Variants in AQR observed in about 807,000 individuals in gnomAD.
AQR encodes RNA helicase aquarius.
AQR carries 61 observed loss-of-function variants against 180.5 expected under a neutral mutation model. That is an observed-to-expected ratio of 0.34 (90% CI 0.28 to 0.42). The LOEUF is 0.42. Among genes scored for constraint, AQR ranks in the 10% least tolerant of loss-of-function variants. The probability of loss-of-function intolerance (pLI) is 1.00; values close to 1 mark genes in which losing one functional copy is unlikely to be tolerated. For missense variants in AQR, 1,281 were observed against 1,798.3 expected (o/e 0.71, Z 5.20); for synonymous variants, 551 against 588.8 (o/e 0.94, Z 0.93).
chr15:34,953,851 A>G (rs537759883), intron 3 of AQR, among the ~76,000 whole-genome samples: 24 of 152,378 alleles, frequency 1.6e-4, no homozygotes, highest in Non-Finnish European at 2.8e-4. Flanking sequence ...CTCATAAGAT[A>G]GAATACCAGT....
At chr15:34,951,667 CAAA>C (rs35929298) in intron 4 of AQR, among the ~76,000 whole-genome samples, 3 of 74,862 alleles carry the variant, frequency 4.0e-5, no homozygotes, top group African/African-American at 4.4e-5. Context: ...GAGACTGTCT[CAAA>C]AAAAAAAAAA....
chr15:34,967,118 C>T (rs542150404), intron 1 of AQR, among the ~76,000 whole-genome samples: 2 of 151,688 alleles, frequency 1.3e-5, no homozygotes, highest in East Asian at 3.9e-4. Flanking sequence ...TCAGGTGATC[C>T]GTCCACCTCA....
rs1210185751 is a variant in AQR, at chr15:34,909,998, C to T, written c.1663+137G>A. On this transcript the variant is annotated intron_variant, in intron 17 of 34. Transcript: ENST00000156471. ...AATAATTAGAAAAAAAGTTGCTATT[C>T]TTTAAATCAAATTTCAAGGATAACG... 2.9e-6 allele frequency: 3 copies of T among 1,031,684 alleles called. No homozygotes were observed. The East Asian group carries it at 7.7e-5, about 27-fold the overall frequency. The allele number at this position is 1,031,684 out of a possible 1,614,324, so 63.9% of individuals were successfully genotyped here.
chr15:34,862,866 C>T lies in AQR; in HGVS notation c.4029+1G>A. On this transcript the variant is annotated splice_donor_variant, in intron 33 of 34. Transcript: ENST00000156471. LOFTEE classifies it high-confidence loss of function. ...TTATAAAATGAAGAAAGAAGTCCTA[C>T]CTTTCTAGTAGTTGGGAAAGGTTCT... 2 of 1,613,196 alleles carry T rather than the reference C, an allele frequency of 1.2e-6. No individual in the cohort carries two copies. The highest frequency in any genetic ancestry group is 1.7e-6 in the Non-Finnish European group (2 of 1,179,490).
At position 34,883,361 on chromosome 15, in the gene AQR, A is replaced by G. The variant is rs199581136; in HGVS notation, c.3028-722T>C. Among the ~76,000 whole-genome samples the G allele has an allele frequency of 1.1e-4, 17 of 152,268 alleles. No individual in the cohort carries two copies. In the East Asian group the frequency reaches 3.1e-3, roughly 28 times the overall value. ...AAAAGAGTATGGAAAAACAAAAAAC[A>G]TTTGTTTTTTAAATAATTAAAATAT... On this transcript the variant is annotated intron_variant, in intron 26 of 34. Coordinates refer to ENST00000156471, the MANE Select transcript of AQR (RefSeq NM_014691.3).
At chr15:34,901,596 T>A (rs1893332625) in intron 19 of AQR, among the ~76,000 whole-genome samples, 1 of 152,180 alleles carries the variant, frequency 6.6e-6, no homozygotes, top group Non-Finnish European at 1.5e-5. Flanking sequence ...GGCTATTAAT[T>A]TCAAAGAATA....
At chr15:34,953,014 A>C (rs1894256103) in intron 3 of AQR, 94 bp from the exon 4 acceptor site, 1 of 686,758 alleles carries the variant, frequency 1.5e-6, no homozygotes, top group Non-Finnish European at 2.4e-6. Context: ...TTTTGTTTCC[A>C]TATTAACCCA....
At chr15:34,923,952 A>G (rs79810809) in intron 13 of AQR, among the ~76,000 whole-genome samples, 14,788 of 152,240 alleles carry the variant, frequency 0.097, 794 homozygotes, top group Middle Eastern at 0.16. Flanking sequence ...TCTATAAAAT[A>G]TCCTGCTAGA....
Position 34,915,079 on chromosome 15 carries a change from A to T in AQR, c.1443T>A (p.Ile481=). Residue 481 remains isoleucine, a synonymous_variant, in exon 16 of 35, where the codon ATT becomes ATA. Transcript: ENST00000156471. The part of the protein sequence containing the change: ...NLFRLESTYE[I]RQDIEDSVSR... Reference sequence around the variant, plus strand: ...TGACACTATCTTCAATGTCCTGACGAATTTCATAAGTTGATTCTAAGCGGA... The same window carrying T: ...TGACACTATCTTCAATGTCCTGACGTATTTCATAAGTTGATTCTAAGCGGA... 3 of 1,612,900 alleles carry T rather than the reference A, an allele frequency of 1.9e-6. No individual in the cohort carries two copies. Among genetic ancestry groups the T allele is most frequent in the Non-Finnish European group, 2.5e-6 (3 of 1,179,742 alleles).
intron 22 of AQR, among the ~76,000 whole-genome samples, chr15:34,895,669 G>C (rs188402391): frequency 6.6e-6 from 1 of 152,168 alleles, no homozygotes; most frequent in East Asian, 1.9e-4. Context: ...CCCTAAAGGT[G>C]TGAAGCACTT....
At chr15:34,947,396 C>T (rs1894145111) in intron 5 of AQR, among the ~76,000 whole-genome samples, 1 of 149,726 alleles carries the variant, frequency 6.7e-6, no homozygotes, top group South Asian at 2.1e-4. Flanking sequence ...GGTCCTCTGC[C>T]TAGGAAAACC....
chr15:34,941,926 G>C (rs1894028641), intron 7 of AQR, 86 bp downstream of exon 7: 2 of 982,238 alleles, frequency 2.0e-6, no homozygotes, highest in Non-Finnish European at 2.9e-6. Context: ...GCTACCACTT[G>C]TATATCCAGA....
chr15:34,868,232 A>C (rs997313989), intron 31 of AQR: 1 of 152,644 alleles, frequency 6.6e-6, no homozygotes, highest in Non-Finnish European at 1.5e-5. Flanking sequence ...TCAGAAGGCT[A>C]TGTTGGGAGG....
intron 17 of AQR, among the ~76,000 whole-genome samples, chr15:34,907,552 A>T (rs748574065): frequency 2.0e-4 from 31 of 152,248 alleles, no homozygotes; most frequent in Non-Finnish European, 4.4e-4. Flanking sequence ...AAATCAAATC[A>T]ACAATGTGGG....
rs2305411 is a variant in AQR at position 34,960,981 on chromosome 15, C to T, written c.133-167G>A. On this transcript the variant is annotated intron_variant, in intron 2 of 34. Coordinates refer to ENST00000156471, the MANE Select transcript of AQR (RefSeq NM_014691.3). The stretch of plus-strand genomic sequence containing the variant: ...TTTAAAATAATCCCATTATATTCCT[C>T]GAAATATGAAATTAACAGAAAGCAA... Among the ~76,000 whole-genome samples, 93,220 of 151,844 alleles carry T rather than the reference C, an allele frequency of 0.61. 30,867 individuals are homozygous for T. Among genetic ancestry groups the T allele is most frequent in the South Asian group, 0.75 (3,607 of 4,806 alleles).
chr15:34,951,688 A>T (rs1163044465), intron 4 of AQR, among the ~76,000 whole-genome samples: 1 of 151,218 alleles, frequency 6.6e-6, no homozygotes, highest in African/African-American at 2.4e-5. Context: ...AAAAAAAAAA[A>T]TTCACTGTCA....
At chr15:34,864,252 C>T (rs114628532) in intron 32 of AQR, among the ~76,000 whole-genome samples, 4,101 of 152,036 alleles carry the variant, frequency 0.027, 193 homozygotes, top group African/African-American at 0.093. Context: ...CATATGCTAT[C>T]ACTTATATTC....
intron 25 of AQR, 63 bp downstream of exon 25, chr15:34,886,463 T>G (rs1893061186): frequency 2.6e-6 from 4 of 1,520,278 alleles, no homozygotes. Context: ...AAGAACTCAT[T>G]CCAGCTTCCA....
chr15:34,941,064 C>G (rs1894015126), intron 7 of AQR, 65 bp from the exon 8 acceptor site: 1 of 1,121,526 alleles, frequency 8.9e-7, no homozygotes, highest in Non-Finnish European at 1.3e-6. Context: ...AGGATTAGAT[C>G]AACTATTTGC....
Sources: gnomAD v4.1 joint callset for allele counts (sites outside exome capture counted in the v4.1 genomes callset) on GRCh38, gnomAD v4.1.1 for gene constraint, MANE v1.5 for transcripts, NCBI Gene and HGNC (gene_info 2026-07-23, HGNC 2026-07-21) for gene names.